Variants in MARCHF1 observed in about 807,000 individuals in gnomAD.
The protein encoded by MARCHF1 is E3 ubiquitin-protein ligase MARCHF1.
MARCHF1 carries 40 observed loss-of-function variants against 54.2 expected under a neutral mutation model. That is an observed-to-expected ratio of 0.74 (90% CI 0.57 to 0.96). The LOEUF is 0.96. MARCHF1 is among the 40% of genes least tolerant of loss of function. The pLI is 0.00. For synonymous variants in MARCHF1, 236 were observed against 236.3 expected, an observed-to-expected ratio of 1.00 and a Z score of 0.01; for missense variants, 586 against 656.5, an observed-to-expected ratio of 0.89 and a Z score of 1.17.
At chr4:164,150,639 A>G (rs1481725678) in intron 1 of MARCHF1, among the ~76,000 whole-genome samples, 2 of 152,198 alleles carry the variant, frequency 1.3e-5, no homozygotes, top group African/African-American at 4.8e-5. Context: ...GACCAGGAGT[A>G]AACAAAGTGT....
At chr4:163,963,396 A>G (rs1752378369) in intron 3 of MARCHF1, among the ~76,000 whole-genome samples, 2 of 151,950 alleles carry the variant, frequency 1.3e-5, no homozygotes, top group Admixed American at 1.3e-4. Context: ...AGGAATTGAA[A>G]ACCGATGATA....
chr4:163,814,047 G>C (rs1005327792), intron 4 of MARCHF1, among the ~76,000 whole-genome samples: 5 of 152,098 alleles, frequency 3.3e-5, no homozygotes. Context: ...GGTTTGCTGG[G>C]TCCTTGCTCC....
At chr4:164,314,119 T>A (rs1372439150) in intron 1 of MARCHF1, among the ~76,000 whole-genome samples, 1 of 152,226 alleles carries the variant, frequency 6.6e-6, no homozygotes, top group African/African-American at 2.4e-5. Flanking sequence ...CCATTCAGCA[T>A]GTTCTGCTGA....
At chr4:163,742,651 T>TG (rs1341783730) in intron 4 of MARCHF1, among the ~76,000 whole-genome samples, 1 of 130,512 alleles carries the variant, frequency 7.7e-6, no homozygotes, top group East Asian at 1.9e-4. Context: ...TAAATTTTTT[T>TG]ATTTTTTGTA....
chr4:164,315,601 T>C (rs1734975488), intron 1 of MARCHF1, among the ~76,000 whole-genome samples: 1 of 152,186 alleles, frequency 6.6e-6, no homozygotes, highest in Non-Finnish European at 1.5e-5. Flanking sequence ...TAGTCCATTT[T>C]ATGAATGATT....
chr4:163,613,073 G>A, intron 6 of MARCHF1, 35 bp from the exon 7 acceptor site: 1 of 1,442,206 alleles, frequency 6.9e-7, no homozygotes. Flanking sequence ...TGGGAAATGG[G>A]AATGGAGAGG....
At chr4:163,756,118 A>G (rs751962662) in intron 4 of MARCHF1, among the ~76,000 whole-genome samples, 29 of 152,222 alleles carry the variant, frequency 1.9e-4, no homozygotes, top group Non-Finnish European at 3.4e-4. Context: ...CTTAACAGAC[A>G]TAGTAACTTT....
At chr4:163,576,101 T>G (rs1740027591) in intron 8 of MARCHF1, among the ~76,000 whole-genome samples, 1 of 152,124 alleles carries the variant, frequency 6.6e-6, no homozygotes. Context: ...AGTTTGTTCT[T>G]GTTTTTCTAG....
At chr4:164,201,500 GT>G in intron 1 of MARCHF1, among the ~76,000 whole-genome samples, 1 of 152,294 alleles carries the variant, frequency 6.6e-6, no homozygotes, top group Non-Finnish European at 1.5e-5. Context: ...GATTATAGGT[GT>G]GAGCCACCGT....
intron 8 of MARCHF1, among the ~76,000 whole-genome samples, chr4:163,548,703 A>T (rs1738995555): frequency 6.6e-6 from 1 of 152,238 alleles, no homozygotes; most frequent in Non-Finnish European, 1.5e-5. Flanking sequence ...ACATTACTGC[A>T]TGCAATATTC....
At chr4:163,562,831 C>G (rs1739516473) in intron 8 of MARCHF1, among the ~76,000 whole-genome samples, 2 of 152,122 alleles carry the variant, frequency 1.3e-5, no homozygotes, top group Non-Finnish European at 1.5e-5. Flanking sequence ...AACTGTTCAC[C>G]CCATCACTCA....
At chr4:164,314,450 A>G (rs900165129) in intron 1 of MARCHF1, among the ~76,000 whole-genome samples, 2 of 152,194 alleles carry the variant, frequency 1.3e-5, no homozygotes, top group East Asian at 1.9e-4. Flanking sequence ...TCAACTGTAC[A>G]TAAGTCATTG....
chr4:164,160,048 AT>A (rs36040393), intron 1 of MARCHF1, among the ~76,000 whole-genome samples: 28,899 of 151,714 alleles, frequency 0.19, 4,348 homozygotes, highest in African/African-American at 0.41. Context: ...GACAGACTCT[AT>A]TTTTTTTATT....
chr4:163,916,660 G>C (rs1048908095), intron 3 of MARCHF1, among the ~76,000 whole-genome samples: 2 of 152,030 alleles, frequency 1.3e-5, no homozygotes, highest in African/African-American at 4.8e-5. Context: ...GTATCTTCTT[G>C]TGTTTTGTAT....
At chr4:164,104,090 C>A (rs1269962883) in intron 2 of MARCHF1, among the ~76,000 whole-genome samples, 3 of 150,768 alleles carry the variant, frequency 2.0e-5, no homozygotes, top group Non-Finnish European at 4.4e-5. Context: ...CTGAATAGAC[C>A]AATAACAGGA....
chr4:164,342,619 ATC>A (rs1405069972), intron 1 of MARCHF1, among the ~76,000 whole-genome samples: 2 of 152,116 alleles, frequency 1.3e-5, no homozygotes. Context: ...CTGGGTATAT[ATC>A]TACAGGAAGT....
chr4:164,276,420 A>G (rs1560984369), intron 1 of MARCHF1, among the ~76,000 whole-genome samples: 1 of 151,936 alleles, frequency 6.6e-6, no homozygotes, highest in African/African-American at 2.4e-5. Context: ...ACTCTATACT[A>G]TCTCTGTTAC....
chr4:163,818,383 T>A (rs528273162), intron 4 of MARCHF1, among the ~76,000 whole-genome samples: 2 of 152,120 alleles, frequency 1.3e-5, no homozygotes, highest in African/African-American at 4.8e-5. Context: ...AACCCCAGCA[T>A]CCATTAATAA....
rs576096995 is a variant in MARCHF1, at chr4:164,049,786, C to A, written c.-247-61077G>T. Among the ~76,000 whole-genome samples the A allele has an allele frequency of 2.6e-5, 4 of 152,220 alleles. No individual in the cohort carries two copies. The South Asian group carries it at 8.3e-4, about 32-fold the overall frequency. The stretch of plus-strand genomic sequence containing the variant: ...ATGTATACACACACATTTGAGAAAC[C>A]TACTGAAATTACAGTTTTATTTTCA... On this transcript the variant is annotated intron_variant, in intron 2 of 9. Transcript: ENST00000514618.
Sources: gnomAD v4.1 joint callset for allele counts (sites outside exome capture counted in the v4.1 genomes callset) on GRCh38, gnomAD v4.1.1 for gene constraint, MANE v1.5 for transcripts, NCBI Gene and HGNC (gene_info 2026-07-23, HGNC 2026-07-21) for gene names.